CHLSN: variants seen among roughly 807,000 people sequenced by gnomAD.
CHLSN encodes the protein protein cholesin.
the CHLSN span, among the ~76,000 whole-genome samples, chr7:1,104,525 C>G: frequency 6.6e-6 from 1 of 152,254 alleles, no homozygotes; most frequent in Admixed American, 6.5e-5. Flanking sequence ...CCGGGCAAAT[C>G]ACAGCAGAGC....
At chr7:1,136,199 C>T in the CHLSN span, among the ~76,000 whole-genome samples, 3 of 92,174 alleles carry the variant, frequency 3.3e-5, no homozygotes, top group Non-Finnish European at 5.5e-5. Context: ...AATATATACA[C>T]AAATATATAA....
chr7:1,106,291 G>A, the CHLSN span, among the ~76,000 whole-genome samples: 8 of 152,292 alleles, frequency 5.3e-5, no homozygotes, highest in African/African-American at 1.9e-4. Context: ...CAGACTCAAG[G>A]GTGTGTGTGT....
the CHLSN span, among the ~76,000 whole-genome samples, chr7:1,003,765 T>G: frequency 9.9e-5 from 5 of 50,714 alleles, 1 homozygote; most frequent in African/African-American, 5.8e-4. Flanking sequence ...TGGAGTCCTG[T>G]GGGTGGGGAG....
chr7:1,020,206 GTGCATTCCCTCA>G, the CHLSN span, among the ~76,000 whole-genome samples: 1 of 152,214 alleles, frequency 6.6e-6, no homozygotes, highest in African/African-American at 2.4e-5. Flanking sequence ...ACGCCGCGGA[GTGCATTCCCTCA>G]TGCTCCCGTC....
At chr7:1,058,191 C>T in the CHLSN span, 52 of 742,908 alleles carry the variant, frequency 7.0e-5, no homozygotes, top group Non-Finnish European at 1.1e-4. Context: ...GGACACGGGC[C>T]GGCTGGAGCC....
the CHLSN span, among the ~76,000 whole-genome samples, chr7:1,116,174 GC>G: frequency 7.9e-6 from 1 of 127,314 alleles, no homozygotes; most frequent in African/African-American, 3.0e-5. Context: ...CATCACCAAC[GC>G]CCACGCAGGA....
At chr7:1,127,358 CAG>C in the CHLSN span, 1 of 1,607,910 alleles carries the variant, frequency 6.2e-7, no homozygotes, top group Non-Finnish European at 8.5e-7. Context: ...TCTGTCACTT[CAG>C]GAACTTTTCT....
chr7:1,013,485 T>C, the CHLSN span, among the ~76,000 whole-genome samples: 2 of 152,188 alleles, frequency 1.3e-5, no homozygotes, highest in African/African-American at 4.8e-5. Flanking sequence ...TCCAGGCTCC[T>C]GCCGGCTCCA....
the CHLSN span, among the ~76,000 whole-genome samples, chr7:1,012,198 T>C: frequency 2.2e-4 from 34 of 152,316 alleles, no homozygotes; most frequent in Middle Eastern, 3.4e-3. Context: ...CTGTTAGGGC[T>C]GCACAGGGGC....
chr7:1,068,695 A>G, the CHLSN span, among the ~76,000 whole-genome samples: 9 of 152,176 alleles, frequency 5.9e-5, no homozygotes, highest in African/African-American at 2.2e-4. Context: ...CTTTTAGTCT[A>G]TGACGAAAGT....
the CHLSN span, among the ~76,000 whole-genome samples, chr7:1,022,016 G>A: frequency 8.5e-5 from 13 of 152,184 alleles, no homozygotes; most frequent in Non-Finnish European, 1.3e-4. Context: ...AGCGATGACG[G>A]CCCACAGGCG....
chr7:1,127,333 T>C, the CHLSN span: 1 of 1,609,822 alleles, frequency 6.2e-7, no homozygotes, highest in Admixed American at 1.7e-5. Flanking sequence ...CTTCTTCAGC[T>C]TTTTGTTCTT....
At chr7:1,006,639 C>T in the CHLSN span, among the ~76,000 whole-genome samples, 2 of 139,398 alleles carry the variant, frequency 1.4e-5, no homozygotes, top group Non-Finnish European at 1.5e-5. Context: ...ACGGCCACAG[C>T]GCGGGGAAAG....
the CHLSN span, among the ~76,000 whole-genome samples, chr7:1,119,769 C>T: frequency 0.041 from 6,211 of 151,530 alleles, 320 homozygotes; most frequent in African/African-American, 0.12. Context: ...TCCAGCTACT[C>T]GGGAGGCTGA....
At chr7:1,077,416 G>A in the CHLSN span, among the ~76,000 whole-genome samples, 22 of 152,340 alleles carry the variant, frequency 1.4e-4, no homozygotes, top group African/African-American at 5.1e-4. Flanking sequence ...CGGCCTCCCA[G>A]AGTGCTGGGA....
the CHLSN span, among the ~76,000 whole-genome samples, chr7:1,064,781 C>A: frequency 6.6e-6 from 1 of 152,280 alleles, no homozygotes; most frequent in Admixed American, 6.5e-5. Flanking sequence ...AGACTGAAGC[C>A]CAGAGGGTCC....
the CHLSN span, among the ~76,000 whole-genome samples, chr7:1,115,393 T>G: frequency 5.1e-3 from 770 of 152,322 alleles, 4 homozygotes; most frequent in African/African-American, 0.017. Flanking sequence ...GTTTGCTATT[T>G]AACACAGAGA....
chr7:1,000,335 C>T, the CHLSN span: 43 of 734,416 alleles, frequency 5.9e-5, no homozygotes, highest in Non-Finnish European at 7.7e-5. Context: ...CCTGCCCCGC[C>T]GTGCACACAC....
At chr7:1,085,624 G>A in the CHLSN span, among the ~76,000 whole-genome samples, 2 of 151,806 alleles carry the variant, frequency 1.3e-5, no homozygotes, top group Admixed American at 6.6e-5. Flanking sequence ...CTTGAGCCCA[G>A]GAGTTCAAGA....
Sources: gnomAD v4.1 joint callset for allele counts (sites outside exome capture counted in the v4.1 genomes callset) on GRCh38, gnomAD v4.1.1 for gene constraint, MANE v1.5 for transcripts, NCBI Gene and HGNC (gene_info 2026-07-23, HGNC 2026-07-21) for gene names.